Variants in TMC5 observed in about 807,000 individuals in gnomAD.
The protein encoded by TMC5 is transmembrane channel like 5.
Under a neutral mutation model 110.5 loss-of-function variants are expected in TMC5, and 86 were observed. The observed-to-expected ratio is 0.78, with a 90% CI of 0.65 to 0.93. TMC5 has a LOEUF of 0.93. TMC5 is among the 40% of genes least tolerant of loss of function. The pLI is 0.00. For missense variants in TMC5, 1,144 were observed against 1,222.8 expected (o/e 0.94, Z 0.96); for synonymous variants, 455 against 439.5 (o/e 1.04, Z -0.44).
At chr16:19,494,479 C>T in intron 20 of TMC5, 113 bp downstream of exon 20, 2 of 692,846 alleles carry the variant, frequency 2.9e-6, no homozygotes, top group South Asian at 3.7e-5. Flanking sequence ...GCCCTTCACT[C>T]TCTGTCTTAA....
intron 1 of TMC5, among the ~76,000 whole-genome samples, chr16:19,422,698 C>T (rs1476087805): frequency 1.3e-5 from 2 of 152,084 alleles, no homozygotes; most frequent in East Asian, 3.9e-4. Context: ...CAGTGGCTCA[C>T]CCCTGTCATC....
chr16:19,457,687 A>ATCTGATTC (rs1967913909), intron 5 of TMC5, among the ~76,000 whole-genome samples: 1 of 110,378 alleles, frequency 9.1e-6, no homozygotes, highest in Non-Finnish European at 1.9e-5. Context: ...ATACAGGTCT[A>ATCTGATTC]TCTGATTCCC....
chr16:19,487,450 C>A (rs1186985405), intron 17 of TMC5, 124 bp downstream of exon 17: 1 of 1,311,288 alleles, frequency 7.6e-7, no homozygotes, highest in Non-Finnish European at 1.0e-6. Flanking sequence ...GCCTGTGATC[C>A]CGGCACTATG....
At chr16:19,451,901 C>A (rs144818047) in intron 5 of TMC5, among the ~76,000 whole-genome samples, 10,714 of 152,230 alleles carry the variant, frequency 0.07, 770 homozygotes, top group African/African-American at 0.19. Flanking sequence ...CAGGTTCAAG[C>A]GATTCTTGTG....
At chr16:19,487,422 C>A (rs1344420615) in intron 17 of TMC5, 96 bp downstream of exon 17, 14 of 1,474,776 alleles carry the variant, frequency 9.5e-6, no homozygotes, top group South Asian at 2.8e-5. Flanking sequence ...TGTGGTGAGG[C>A]CGGGTGCAGT....
intron 3 of TMC5, among the ~76,000 whole-genome samples, chr16:19,442,823 T>C (rs1250076812): frequency 6.6e-6 from 1 of 152,218 alleles, no homozygotes; most frequent in African/African-American, 2.4e-5. Flanking sequence ...GCAGTCCTGA[T>C]GTCTTTAGAA....
chr16:19,416,859 C>G (rs996875780), upstream of TMC5, among the ~76,000 whole-genome samples: 1 of 152,000 alleles, frequency 6.6e-6, no homozygotes, highest in Non-Finnish European at 1.5e-5. Context: ...TTTGGCAGGC[C>G]GAGACAGGTG....
Position 19,448,710 on chromosome 16 carries a change from ATAT to A in TMC5, c.959-828_959-826del, listed in dbSNP as rs1179075943. Among the ~76,000 whole-genome samples the A allele has an allele frequency of 4.5e-4, 64 of 142,660 alleles. 1 individual carries two copies. Among genetic ancestry groups the A allele is most frequent in the African/African-American group, 1.7e-3 (64 of 37,792 alleles). The allele number at this position is 142,660 out of a possible 152,430, so 93.6% of individuals were successfully genotyped here. ...TTATAGATAATATATATATTTTAATATATTATATTTATTTTTATATTATATAAC... is the reference window on the plus strand; with the variant it reads ...TTATAGATAATATATATATTTTAATATATATTTATTTTTATATTATATAAC... On this transcript the variant is annotated intron_variant, in intron 4 of 21. Transcript: ENST00000542583.
At chr16:19,415,457 AATAG>A (rs1480191603), upstream of TMC5, among the ~76,000 whole-genome samples, 10 of 152,164 alleles carry the variant, frequency 6.6e-5, no homozygotes, top group African/African-American at 2.4e-4. Context: ...CCTGGTATCT[AATAG>A]ATAGAAGCCG....
chr16:19,473,516 G>A (rs1384461179), intron 11 of TMC5, among the ~76,000 whole-genome samples: 1 of 152,038 alleles, frequency 6.6e-6, no homozygotes, highest in African/African-American at 2.4e-5. Context: ...GGGCATCTTG[G>A]TAAAAAAGGG....
At chr16:19,497,741 G>T (rs1244225935) in intron 21 of TMC5, among the ~76,000 whole-genome samples, 179 bp from the exon 22 acceptor site, 5 of 152,174 alleles carry the variant, frequency 3.3e-5, no homozygotes, top group Non-Finnish European at 5.9e-5. Context: ...ATTTTTGGGG[G>T]ATAGCATTTA....
At chr16:19,478,603 C>T (rs1968542387) in intron 13 of TMC5, among the ~76,000 whole-genome samples, 2 of 152,174 alleles carry the variant, frequency 1.3e-5, no homozygotes, top group Admixed American at 6.5e-5. Flanking sequence ...TGTATGGATC[C>T]ATCCATCCAT....
At position 19,492,019 on chromosome 16, in the gene TMC5, A is replaced by G. The variant is rs1040031351; in HGVS notation, c.2748-131A>G. On this transcript the variant is annotated intron_variant, in intron 18 of 21. Coordinates refer to ENST00000542583, the MANE Select transcript of TMC5 (RefSeq NM_001261841.2). ...TATTTAACCTATAACTCTCCCTGAC[A>G]TGACTTTTCAGAAACATGTTTGGGC... 2.1e-5 allele frequency: 15 copies of G among 722,346 alleles called. 1 individual carries two copies. Among genetic ancestry groups the G allele is most frequent in the Admixed American group, 1.6e-4 (8 of 48,886 alleles). 44.7% of individuals were successfully genotyped at this position (722,346 alleles called of 1,614,324 possible). A position where few individuals can be genotyped will look rare whatever the true frequency, so the allele number is the denominator to read the frequency against.
rs750838547 is a variant in TMC5 at position 19,436,273 on chromosome 16, G to GAAAAAAAAAAAAAAAAA, written c.-79-3676_-79-3675insAAAAAAAAAAAAAAAAA. ...AAAGAGCAAAAGTTCGTCTCAAAAAGAAAAAAAAAAAGAAAGGAAAAAGAA... is the reference window on the plus strand; with the variant it reads ...AAAGAGCAAAAGTTCGTCTCAAAAAGAAAAAAAAAAAAAAAAAAAAAAAAAAAAGAAAGGAAAAAGAA... On this transcript the variant is annotated intron_variant, in intron 2 of 21. Coordinates refer to ENST00000542583, the MANE Select transcript of TMC5 (RefSeq NM_001261841.2). Among the ~76,000 whole-genome samples the GAAAAAAAAAAAAAAAAA allele has an allele frequency of 3.2e-3, 339 of 107,390 alleles. 7 individuals are homozygous for GAAAAAAAAAAAAAAAAA. Among genetic ancestry groups the GAAAAAAAAAAAAAAAAA allele is most frequent in the Non-Finnish European group, 3.8e-3 (215 of 57,198 alleles). The allele number at this position is 107,390 out of a possible 152,430, so 70.5% of individuals were successfully genotyped here.
Position 19,463,779 on chromosome 16 carries a change from T to C in TMC5, c.1240T>C (p.Tyr414His). The change falls in exon 8 of 22, where the codon TAT becomes CAT. Residue 414 changes from tyrosine to histidine, a missense_variant. By Grantham distance (83) the Tyr-to-His change is moderately conservative. Transcript: ENST00000542583. ...IQCLNSISRA[Y>H]RRSKNSLSEI... Reference sequence around the variant, plus strand: ...CTGCTTTGAATCCTGATTCCAGGCTTATCGGAGATCCAAGAACAGCCTGTC... The same window carrying C: ...CTGCTTTGAATCCTGATTCCAGGCTCATCGGAGATCCAAGAACAGCCTGTC... The C allele has an allele frequency of 6.2e-7, 1 of 1,613,874 alleles. No homozygotes were observed. Among genetic ancestry groups the C allele is most frequent in the Non-Finnish European group, 8.5e-7 (1 of 1,179,840 alleles).
intron 3 of TMC5, among the ~76,000 whole-genome samples, chr16:19,443,333 C>T (rs1967533132): frequency 1.3e-5 from 2 of 152,312 alleles, no homozygotes; most frequent in African/African-American, 2.4e-5. Flanking sequence ...TGGCCTCACA[C>T]CTTTTTTTAT....
chr16:19,488,802 C>T (rs16972066), intron 17 of TMC5, among the ~76,000 whole-genome samples: 15,964 of 152,092 alleles, frequency 0.1, 936 homozygotes, highest in African/African-American at 0.16. Flanking sequence ...TGTTACTCAA[C>T]GATTGTCCGT....
At chr16:19,488,766 G>A (rs977298671) in intron 17 of TMC5, among the ~76,000 whole-genome samples, 1 of 152,064 alleles carries the variant, frequency 6.6e-6, no homozygotes, top group African/African-American at 2.4e-5. Context: ...TTCATAATCA[G>A]GAATGCCTCT....
At chr16:19,463,570 T>C (rs1968083062) in intron 7 of TMC5, among the ~76,000 whole-genome samples, 3 of 152,304 alleles carry the variant, frequency 2.0e-5, no homozygotes. Flanking sequence ...ACTTGGCCAT[T>C]GTGAGTGGCA....
Sources: allele counts gnomAD v4.1 joint callset (sites outside exome capture counted in the v4.1 genomes callset), GRCh38; gene constraint gnomAD v4.1.1; transcripts MANE v1.5; gene names NCBI Gene and HGNC (gene_info 2026-07-23, HGNC 2026-07-21).